ANKRD31: variants seen among roughly 807,000 people sequenced by gnomAD.
The protein encoded by ANKRD31 is ankyrin repeat domain 31.
A neutral mutation model predicts 186.0 loss-of-function variants in ANKRD31; 147 were observed. The observed-to-expected ratio is 0.79, with a 90% CI of 0.69 to 0.91. The LOEUF (loss-of-function observed/expected upper bound fraction) is 0.91, where lower values mean the gene tolerates loss of function less well. Among genes scored for constraint, ANKRD31 ranks in the 40% least tolerant of loss-of-function variants. ANKRD31 has a pLI of 0.00. For missense variants in ANKRD31, 1,986 were observed against 2,148.8 expected (o/e 0.92, Z 1.50); for synonymous variants, 673 against 736.4 (o/e 0.91, Z 1.39).
chr5:75,170,179 T>C (rs1413122621), intron 10 of ANKRD31, among the ~76,000 whole-genome samples: 1 of 152,078 alleles, frequency 6.6e-6, no homozygotes, highest in East Asian at 1.9e-4. Context: ...GCACAACGGA[T>C]ATGGGGGAAT....
rs1755188368 is a variant in ANKRD31, at chr5:75,192,616, C to T, written c.1408+51G>A. ...AAAGATAATCTCTGAATCCTTTCTA[C>T]CAATTCTGTTTTTGTAAAAGAAATA... On this transcript the variant is annotated intron_variant, in intron 9 of 25. Transcript: ENST00000506364. 4 of 1,317,884 alleles carry T rather than the reference C, an allele frequency of 3.0e-6. No homozygotes were observed. The Admixed American group carries it at 9.0e-5, about 30-fold the overall frequency. 81.6% of individuals were successfully genotyped at this position (1,317,884 alleles called of 1,614,324 possible).
At chr5:75,111,112 A>G (rs1747745467) in intron 20 of ANKRD31, among the ~76,000 whole-genome samples, 1 of 151,090 alleles carries the variant, frequency 6.6e-6, no homozygotes, top group Non-Finnish European at 1.5e-5. Context: ...GAAGACTATG[A>G]AAAAAATGCA....
chr5:75,103,422 A>G (rs1747073086), intron 22 of ANKRD31, among the ~76,000 whole-genome samples: 1 of 152,242 alleles, frequency 6.6e-6, no homozygotes, highest in Non-Finnish European at 1.5e-5. Flanking sequence ...TAGTTCAACC[A>G]TTGTGAAAGA....
intron 10 of ANKRD31, among the ~76,000 whole-genome samples, chr5:75,172,308 T>G (rs1419272132): frequency 6.6e-6 from 1 of 151,502 alleles, no homozygotes; most frequent in Non-Finnish European, 1.5e-5. Flanking sequence ...AAAAATTATA[T>G]GGTCATATCA....
chr5:75,138,015 A>G lies in ANKRD31; in HGVS notation c.3734-17T>C. 5.6e-6 allele frequency: 6 copies of G among 1,072,288 alleles called. No individual in the cohort carries two copies. The highest frequency in any genetic ancestry group is 2.4e-6 in the Non-Finnish European group (2 of 846,134). 66.4% of individuals were successfully genotyped at this position (1,072,288 alleles called of 1,614,324 possible). On this transcript the variant is annotated splice_polypyrimidine_tract_variant and intron_variant, in intron 16 of 25. Coordinates refer to ENST00000506364, the MANE Select transcript of ANKRD31 (RefSeq NM_001372053.1). The stretch of plus-strand genomic sequence containing the variant: ...GTGTCCAACCTAAAAAAAGAAAAAG[A>G]AAAAAAAAAACCCTGCTTCATGCGA...
At chr5:75,084,196 A>C in intron 24 of ANKRD31, 76 bp downstream of exon 24, 1 of 1,087,278 alleles carries the variant, frequency 9.2e-7, no homozygotes, top group Non-Finnish European at 1.3e-6. Context: ...AAAAAGACAA[A>C]ATAAAATGAG....
intron 15 of ANKRD31, among the ~76,000 whole-genome samples, chr5:75,140,281 GAAAGAAA>G (rs1750934791): frequency 1.7e-5 from 1 of 59,848 alleles, no homozygotes; most frequent in African/African-American, 1.8e-4. Flanking sequence ...GAGAGAGAGA[GAAAGAAA>G]GGAAGGAAGG....
intron 17 of ANKRD31, among the ~76,000 whole-genome samples, chr5:75,124,014 T>C (rs1165091018): frequency 1.3e-5 from 2 of 151,766 alleles, no homozygotes. Context: ...AGGGGGAAAA[T>C]ATTTGCAAAC....
intron 6 of ANKRD31, 27 bp from the exon 7 acceptor site, chr5:75,196,227 C>A: frequency 7.1e-7 from 1 of 1,399,562 alleles, no homozygotes; most frequent in South Asian, 1.6e-5. Context: ...GAAATTACAT[C>A]ATTACAGCAT....
chr5:75,160,848 G>A (rs535043430), intron 11 of ANKRD31, among the ~76,000 whole-genome samples: 1 of 152,268 alleles, frequency 6.6e-6, no homozygotes, highest in Admixed American at 6.5e-5. Context: ...CTTAATAAGG[G>A]GAAATCTATT....
intron 10 of ANKRD31, among the ~76,000 whole-genome samples, chr5:75,183,788 A>G (rs1754496374): frequency 6.6e-6 from 1 of 152,182 alleles, no homozygotes; most frequent in South Asian, 2.1e-4. Flanking sequence ...AGTGTATCCC[A>G]TGTTCATGGA....
chr5:75,221,848 CTCTA>C (rs1757323983), intron 3 of ANKRD31, among the ~76,000 whole-genome samples: 2 of 152,014 alleles, frequency 1.3e-5, no homozygotes, highest in African/African-American at 4.8e-5. Flanking sequence ...ATTTTCTTTT[CTCTA>C]TCTTACTGTG....
chr5:75,183,605 A>G (rs970368252), intron 10 of ANKRD31, among the ~76,000 whole-genome samples: 3 of 152,104 alleles, frequency 2.0e-5, no homozygotes, highest in Admixed American at 6.6e-5. Context: ...CAGTGTTTCT[A>G]TATGCTAAAT....
At position 75,076,664 on chromosome 5, in the gene ANKRD31, T is replaced by G. The variant is rs554592788; in HGVS notation, c.5647+3904A>C. 9.2e-5 allele frequency among the ~76,000 whole-genome samples: 14 copies of G among 152,330 alleles called. No homozygotes were observed. The South Asian group carries it at 2.9e-3, about 32-fold the overall frequency. ...CCTCTCTCCTCCTGAGAGGTTGAAG[T>G]GTGGAGCTGAAAGTTCCAAGCTTCT... On this transcript the variant is annotated intron_variant, in intron 25 of 25. Coordinates refer to ENST00000506364, the MANE Select transcript of ANKRD31 (RefSeq NM_001372053.1).
chr5:75,120,024 G>T lies in ANKRD31; in HGVS notation c.3877-1727C>A, dbSNP rs1030207484. Among the ~76,000 whole-genome samples, 2 of 152,128 alleles carry T rather than the reference G, an allele frequency of 1.3e-5. 1 individual carries two copies. The highest frequency in any genetic ancestry group is 4.1e-4 in the South Asian group (2 of 4,826). On this transcript the variant is annotated intron_variant, in intron 17 of 25. Transcript: ENST00000506364. ...AAAAATGTCTAATATAAATAAGGTT[G>T]CTCTGAGTAACTCTTAAATTGTGTG...
At chr5:75,227,204 A>G (rs1387492639) in intron 2 of ANKRD31, among the ~76,000 whole-genome samples, 2 of 152,226 alleles carry the variant, frequency 1.3e-5, no homozygotes, top group Non-Finnish European at 2.9e-5. Flanking sequence ...GTTCTCATTT[A>G]TTTGTGGGAG....
At chr5:75,134,841 T>C (rs1254565299) in intron 17 of ANKRD31, among the ~76,000 whole-genome samples, 1 of 152,080 alleles carries the variant, frequency 6.6e-6, no homozygotes, top group Non-Finnish European at 1.5e-5. Flanking sequence ...GCTTCATCCC[T>C]GGGATACAAG....
intron 15 of ANKRD31, among the ~76,000 whole-genome samples, chr5:75,139,801 A>G (rs1750874737): frequency 6.6e-6 from 1 of 152,164 alleles, no homozygotes; most frequent in African/African-American, 2.4e-5. Flanking sequence ...GCACTATGGA[A>G]GGCAGGTGTG....
Position 75,148,647 on chromosome 5 carries a change from A to G in ANKRD31, c.1853-19T>C. On this transcript the variant is annotated intron_variant, in intron 12 of 25. Transcript: ENST00000506364. ...CTTTGAGCTGTAAACAAAAAGAGAA[A>G]ATCAATGAAAACAGCTTCTAGTGTT... 1 of 1,512,900 alleles carries G rather than the reference A, an allele frequency of 6.6e-7. No homozygotes were observed. The highest frequency in any genetic ancestry group is 1.4e-5 in the African/African-American group (1 of 72,110). The allele number at this position is 1,512,900 out of a possible 1,614,324, so 93.7% of individuals were successfully genotyped here. A position where few individuals can be genotyped will look rare whatever the true frequency, so the allele number is the denominator to read the frequency against.
Sources: gnomAD v4.1 joint callset for allele counts (sites outside exome capture counted in the v4.1 genomes callset) on GRCh38, gnomAD v4.1.1 for gene constraint, MANE v1.5 for transcripts, NCBI Gene and HGNC (gene_info 2026-07-23, HGNC 2026-07-21) for gene names.